The following RALGPS1 variants were observed in gnomAD, a reference collection of about 807,000 sequenced individuals.
RALGPS1 encodes the protein ras-specific guanine nucleotide-releasing factor RalGPS1.
In RALGPS1, 19 loss-of-function variants were observed where a neutral mutation model predicts 78.8. The observed-to-expected ratio is 0.24, with a 90% CI of 0.17 to 0.35. The LOEUF (loss-of-function observed/expected upper bound fraction) is 0.35, where lower values mean the gene tolerates loss of function less well. Ranked by LOEUF, RALGPS1 falls within the 10% of genes least tolerant of loss-of-function variation. The pLI, the probability that RALGPS1 is intolerant of heterozygous loss-of-function variation, is 1.00. For missense variants in RALGPS1, 454 were observed against 688.3 expected, an observed-to-expected ratio of 0.66 and a Z score of 3.81; for synonymous variants, 228 against 256.3, an observed-to-expected ratio of 0.89 and a Z score of 1.06.
intron 1 of RALGPS1, chr9:126,915,335 C>A (rs1383446271): frequency 3.0e-5 from 2 of 66,838 alleles, no homozygotes; most frequent in Non-Finnish European, 5.7e-5. Context: ...GGGGCGGGGC[C>A]GGCGGGGCTG....
chr9:127,149,093 G>A (rs1042262876), intron 8 of RALGPS1, among the ~76,000 whole-genome samples: 5 of 152,206 alleles, frequency 3.3e-5, no homozygotes, highest in African/African-American at 1.2e-4. Flanking sequence ...TGTTCTGGCC[G>A]AGGAACTGTC....
At chr9:127,192,902 G>A (rs946657128) in intron 11 of RALGPS1, among the ~76,000 whole-genome samples, 7 of 152,154 alleles carry the variant, frequency 4.6e-5, no homozygotes, top group South Asian at 2.1e-4. Flanking sequence ...GAGTGACCCC[G>A]AGCACCAGGT....
chr9:127,094,270 T>A (rs2052849484), intron 8 of RALGPS1, among the ~76,000 whole-genome samples: 1 of 152,104 alleles, frequency 6.6e-6, no homozygotes, highest in Non-Finnish European at 1.5e-5. Flanking sequence ...ATTACTGAGA[T>A]CATTTGGGGG....
rs973809191 is a variant in RALGPS1 at position 127,094,677 on chromosome 9, G to A, written c.610+25321G>A. On this transcript the variant is annotated intron_variant, in intron 8 of 18. Transcript: ENST00000259351. ...TGAATCTGTGTGTTTTCCAAAGGAA[G>A]CTCAGTGAGGGCCAGATGCTTGGCA... 1.8e-4 allele frequency among the ~76,000 whole-genome samples: 28 copies of A among 152,326 alleles called. 1 individual carries two copies. In the East Asian group the frequency reaches 4.6e-3, roughly 25 times the overall value.
chr9:127,161,561 G>A (rs1452808600), intron 8 of RALGPS1, among the ~76,000 whole-genome samples: 1 of 152,188 alleles, frequency 6.6e-6, no homozygotes, highest in Non-Finnish European at 1.5e-5. Context: ...CTGATGATGG[G>A]ACCTGGGGCT....
At chr9:127,124,688 G>A (rs1208445249) in intron 8 of RALGPS1, among the ~76,000 whole-genome samples, 1 of 152,228 alleles carries the variant, frequency 6.6e-6, no homozygotes, top group Non-Finnish European at 1.5e-5. Flanking sequence ...TGGCTGAGGA[G>A]AGAAGATGGG....
intron 8 of RALGPS1, among the ~76,000 whole-genome samples, chr9:127,129,595 A>G (rs1286184514): frequency 6.6e-6 from 1 of 152,222 alleles, no homozygotes; most frequent in Non-Finnish European, 1.5e-5. Flanking sequence ...TGATAGAGTG[A>G]GCCTCTCAGG....
At chr9:127,216,783 G>T (rs1444711283) in intron 18 of RALGPS1, 3 of 891,364 alleles carry the variant, frequency 3.4e-6, no homozygotes, top group Non-Finnish European at 4.6e-6. Context: ...CTTGCATTAA[G>T]AGAGGAAGAG....
rs373357723 is a variant in RALGPS1, at chr9:126,920,117, CT to C, written c.-66+5145del. Among the ~76,000 whole-genome samples the C allele has an allele frequency of 1.1e-3, 163 of 152,292 alleles. 1 individual carries two copies. The highest frequency in any genetic ancestry group is 3.9e-3 in the African/African-American group (160 of 41,550). On this transcript the variant is annotated intron_variant, in intron 1 of 18. Transcript: ENST00000259351. The stretch of plus-strand genomic sequence containing the variant: ...TACTCTGCACAGGGAAAGTCTCCTG[CT>C]TTCTTTGCTGCTGGGTCTCCAGAGC...
Position 127,199,027 on chromosome 9 carries a change from G to A in RALGPS1, c.1208G>A (p.Ser403Asn). Reference sequence around the variant, plus strand: ...GTTCCTTTTCCAGGCAGTAGTGAGAGCTCAGAGTTTAGTGAAGAGATGTCT... The same window carrying A: ...GTTCCTTTTCCAGGCAGTAGTGAGAACTCAGAGTTTAGTGAAGAGATGTCT... ...TNGLSLGSSE[S>N]SEFSEEMSSG... The change falls in exon 14 of 19, where the codon AGC (serine) becomes AAC (asparagine). Residue 403 changes from serine to asparagine, a missense_variant. Coordinates refer to ENST00000259351, the MANE Select transcript of RALGPS1 (RefSeq NM_014636.3). 1.2e-6 allele frequency: 2 copies of A among 1,614,150 alleles called. No homozygotes were observed. Among genetic ancestry groups the A allele is most frequent in the Non-Finnish European group, 1.7e-6 (2 of 1,179,964 alleles).
chr9:127,098,948 C>T (rs1284859845), intron 8 of RALGPS1, among the ~76,000 whole-genome samples: 5 of 152,248 alleles, frequency 3.3e-5, no homozygotes, highest in African/African-American at 1.2e-4. Flanking sequence ...GCTCTCAGTG[C>T]AGTGCCCCTC....
chr9:127,006,363 C>T (rs1224342185), intron 4 of RALGPS1, among the ~76,000 whole-genome samples: 5 of 152,194 alleles, frequency 3.3e-5, no homozygotes, highest in Non-Finnish European at 5.9e-5. Context: ...AGAATGGTGG[C>T]GTTCTTTGAC....
At chr9:127,098,237 T>C (rs1257966709) in intron 8 of RALGPS1, among the ~76,000 whole-genome samples, 1 of 152,226 alleles carries the variant, frequency 6.6e-6, no homozygotes, top group Non-Finnish European at 1.5e-5. Context: ...TCAATGAAAC[T>C]GAGTTTTCAA....
intron 1 of RALGPS1, among the ~76,000 whole-genome samples, chr9:126,952,918 A>G (rs941901495): frequency 1.3e-5 from 2 of 152,254 alleles, no homozygotes; most frequent in Middle Eastern, 3.4e-3. Flanking sequence ...GGGCTTGGAA[A>G]TGGTGTTTGG....
At chr9:126,939,877 T>C (rs913867634) in intron 1 of RALGPS1, among the ~76,000 whole-genome samples, 3 of 152,098 alleles carry the variant, frequency 2.0e-5, no homozygotes, top group African/African-American at 4.8e-5. Context: ...TGGAGGCCTG[T>C]TGGGTGGAGG....
At chr9:127,101,394 A>C (rs1051749565) in intron 8 of RALGPS1, among the ~76,000 whole-genome samples, 2 of 152,168 alleles carry the variant, frequency 1.3e-5, no homozygotes, top group African/African-American at 4.8e-5. Flanking sequence ...TGTCCCCATA[A>C]GACTGTGGGC....
chr9:126,989,755 A>C, intron 4 of RALGPS1: 1 of 1,254,020 alleles, frequency 8.0e-7, no homozygotes, highest in Non-Finnish European at 1.1e-6. Context: ...CAAAGGAGGC[A>C]TTCTGCAGAT....
intron 14 of RALGPS1, among the ~76,000 whole-genome samples, chr9:127,204,130 C>T (rs2061801833): frequency 6.6e-6 from 1 of 152,156 alleles, no homozygotes; most frequent in South Asian, 2.1e-4. Context: ...AGATCTAACA[C>T]ATAGGTGGAG....
Position 127,185,617 on chromosome 9 carries a change from A to G in RALGPS1, c.911-9474A>G, listed in dbSNP as rs77140053. Among the ~76,000 whole-genome samples, 1,105 of 152,308 alleles carry G rather than the reference A, an allele frequency of 7.3e-3. 13 individuals are homozygous for G. Among genetic ancestry groups the G allele is most frequent in the African/African-American group, 0.026 (1,070 of 41,550 alleles). ...CCTGGCACCTTGTAGATGCTCAGTA[A>G]ATGTTAGCTGCTGTCATTATTACCA... On this transcript the variant is annotated intron_variant, in intron 11 of 18. Transcript: ENST00000259351.
Sources: allele counts gnomAD v4.1 joint callset (sites outside exome capture counted in the v4.1 genomes callset), GRCh38; gene constraint gnomAD v4.1.1; transcripts MANE v1.5; gene names NCBI Gene and HGNC (gene_info 2026-07-23, HGNC 2026-07-21).